KLHL4: variants seen among roughly 807,000 people sequenced by gnomAD.
KLHL4 encodes kelch-like protein 4.
KLHL4 carries 17 observed loss-of-function variants against 45.8 expected under a neutral mutation model. The observed-to-expected ratio is 0.37, with a 90% CI of 0.25 to 0.56. The LOEUF is 0.56. Ranked by LOEUF, KLHL4 falls within the 20% of genes least tolerant of loss-of-function variation. The pLI, the probability that KLHL4 is intolerant of heterozygous loss-of-function variation, is 0.79. For missense variants in KLHL4, 544 were observed against 544.9 expected, an observed-to-expected ratio of 1.00 and a Z score of 0.02; for synonymous variants, 224 against 189.9, an observed-to-expected ratio of 1.18 and a Z score of -1.47.
chrX:87,610,976 A>T (rs915451194), intron 1 of KLHL4, among the ~76,000 whole-genome samples: 4 of 110,989 alleles, frequency 3.6e-5, no homozygotes, highest in African/African-American at 1.3e-4. Context: ...TGGGAGGTTG[A>T]GGCATGAGAA....
intron 1 of KLHL4, among the ~76,000 whole-genome samples, chrX:87,582,363 C>T (rs992739911): frequency 1.8e-5 from 2 of 111,717 alleles, no homozygotes; most frequent in Admixed American, 9.5e-5. Context: ...CTTGTTGCTG[C>T]GAGCCTGTCT....
intron 1 of KLHL4, among the ~76,000 whole-genome samples, chrX:87,544,864 A>G (rs1487773633): frequency 8.9e-6 from 1 of 111,917 alleles, no homozygotes; most frequent in Non-Finnish European, 1.9e-5. Context: ...AGTGAAAACA[A>G]CAATAAATAC....
intron 1 of KLHL4, among the ~76,000 whole-genome samples, chrX:87,581,683 A>C (rs2097488): frequency 0.19 from 21,629 of 111,607 alleles, 1,945 homozygotes; most frequent in East Asian, 0.5. Context: ...AACAAAAAAA[A>C]CCAGAAAAAC....
chrX:87,614,901 G>T (rs768468280), intron 3 of KLHL4, among the ~76,000 whole-genome samples: 3 of 111,147 alleles, frequency 2.7e-5, no homozygotes, highest in Non-Finnish European at 5.7e-5. Context: ...GCACATTCTT[G>T]TTTGTAAAAA....
intron 1 of KLHL4, among the ~76,000 whole-genome samples, chrX:87,585,926 G>GA (rs1921455271): frequency 9.0e-6 from 1 of 110,740 alleles, no homozygotes; most frequent in Admixed American, 9.6e-5. Flanking sequence ...TAAAGAGATG[G>GA]AAAAATATAT....
At chrX:87,556,834 T>C (rs1204313007) in intron 1 of KLHL4, among the ~76,000 whole-genome samples, 1 of 111,420 alleles carries the variant, frequency 9.0e-6, no homozygotes, top group African/African-American at 3.3e-5. Context: ...TCTTTATATA[T>C]GCAACTGTAT....
intron 10 of KLHL4, among the ~76,000 whole-genome samples, chrX:87,665,154 A>C (rs1222747789): frequency 9.0e-6 from 1 of 111,423 alleles, no homozygotes; most frequent in Non-Finnish European, 1.9e-5. Flanking sequence ...TCAACTTATA[A>C]CCCATCTTAT....
chrX:87,639,925 A>G (rs1332102086), intron 9 of KLHL4, among the ~76,000 whole-genome samples: 5 of 111,523 alleles, frequency 4.5e-5, no homozygotes, highest in Non-Finnish European at 9.4e-5. Flanking sequence ...AAAAAAATAA[A>G]CCAAATGAAT....
intron 9 of KLHL4, among the ~76,000 whole-genome samples, chrX:87,656,359 C>A (rs2147839571): frequency 9.1e-6 from 1 of 110,093 alleles, no homozygotes; most frequent in African/African-American, 3.3e-5. Context: ...CCATACTTAT[C>A]AAAATCTTAG....
At chrX:87,565,685 CAAAAAAAAAAAAA>C (rs748577568) in intron 1 of KLHL4, among the ~76,000 whole-genome samples, 1 of 26,260 alleles carries the variant, frequency 3.8e-5, no homozygotes, top group African/African-American at 1.6e-4. Flanking sequence ...GTGATTGTGC[CAAAAAAAAAAAAA>C]AAAAAAAAAA....
intron 1 of KLHL4, among the ~76,000 whole-genome samples, chrX:87,568,534 CATAAAGCTACAGTAATCAAAA>C (rs1932269343): frequency 9.2e-6 from 1 of 108,878 alleles, no homozygotes; most frequent in South Asian, 4.0e-4. Context: ...CAAATCTTAG[CATAAAGCTACAGTAATCAAAA>C]ATAAAGCTAC....
rs144172000 is a variant in KLHL4, at chrX:87,618,522, C to G, written c.924+394C>G. On this transcript the variant is annotated intron_variant, in intron 4 of 10. Transcript: ENST00000373119. ...AGGAAAAATGCTAATATTAATGGGT[C>G]AATAATTGTCAGAGCTTAAAAACTA... is the stretch of plus-strand genomic sequence containing the variant. 3.9e-3 allele frequency among the ~76,000 whole-genome samples: 437 copies of G among 111,649 alleles called. 3 individuals are homozygous for G. Among genetic ancestry groups the G allele is most frequent in the African/African-American group, 0.014 (421 of 30,761 alleles).
At chrX:87,663,523 G>A (rs1036914864) in intron 9 of KLHL4, among the ~76,000 whole-genome samples, 3 of 112,526 alleles carry the variant, frequency 2.7e-5, no homozygotes, top group African/African-American at 9.7e-5. Flanking sequence ...TGCCCATGCA[G>A]AAAAGTCTTG....
At position 87,669,520 on chromosome X, in the gene KLHL4, G is replaced by C; in HGVS notation, c.*2986G>C. ...CTTCTGGAGTTCCAAATGCAATATAGAAAAAAAAACCCTGTGACTCTGGAT... is the reference window on the plus strand; with the variant it reads ...CTTCTGGAGTTCCAAATGCAATATACAAAAAAAAACCCTGTGACTCTGGAT... On this transcript the variant is annotated 3_prime_UTR_variant, in exon 11 of 11. Transcript: ENST00000373119. 1 of 727,114 alleles carries C rather than the reference G, an allele frequency of 1.4e-6. No homozygotes were observed. The allele number at this position is 727,114 out of a possible 1,213,427, so 59.9% of individuals were successfully genotyped here. A position where few individuals can be genotyped will look rare whatever the true frequency, so the allele number is the denominator to read the frequency against.
intron 10 of KLHL4, among the ~76,000 whole-genome samples, chrX:87,665,541 A>G (rs1441444517): frequency 1.8e-5 from 2 of 111,960 alleles, no homozygotes; most frequent in Non-Finnish European, 3.8e-5. Flanking sequence ...AATAGCATTG[A>G]AATGGCATCT....
chrX:87,536,917 G>A (rs1347228053), intron 1 of KLHL4, among the ~76,000 whole-genome samples: 2 of 111,481 alleles, frequency 1.8e-5, no homozygotes, highest in East Asian at 5.6e-4. Flanking sequence ...TGTAACATAA[G>A]TTTAAAATTT....
At position 87,614,571 on chromosome X, in the gene KLHL4, G is replaced by T; in HGVS notation, c.727+1G>T. The T allele has an allele frequency of 8.3e-7, 1 of 1,202,058 alleles. No homozygotes were observed. The highest frequency in any genetic ancestry group is 1.1e-6 in the Non-Finnish European group (1 of 889,937). On this transcript the variant is annotated splice_donor_variant, in intron 3 of 10. Coordinates refer to ENST00000373119, the MANE Select transcript of KLHL4 (RefSeq NM_019117.5). LOFTEE classifies it high-confidence loss of function. ...TCCTTGGTGCAGTATGCTTACACAG[G>T]TAAGTGCCAAATACACATTAACTCA...
At chrX:87,643,091 G>T (rs1399678734) in intron 9 of KLHL4, among the ~76,000 whole-genome samples, 1 of 111,263 alleles carries the variant, frequency 9.0e-6, no homozygotes, top group East Asian at 2.8e-4. Context: ...AGAACTAAAT[G>T]AAATTGAAAC....
chrX:87,618,903 C>A (rs1042935864), intron 4 of KLHL4, among the ~76,000 whole-genome samples: 1 of 111,922 alleles, frequency 8.9e-6, no homozygotes, highest in African/African-American at 3.2e-5. Flanking sequence ...CTTAAAATCC[C>A]TTTCAATTCT....
Sources: gnomAD v4.1 joint callset for allele counts (sites outside exome capture counted in the v4.1 genomes callset) on GRCh38, gnomAD v4.1.1 for gene constraint, MANE v1.5 for transcripts, NCBI Gene and HGNC (gene_info 2026-07-23, HGNC 2026-07-21) for gene names.